USP32: variants seen among roughly 807,000 people sequenced by gnomAD.
The protein encoded by USP32 is ubiquitin carboxyl-terminal hydrolase 32.
USP32 carries 59 observed loss-of-function variants against 204.8 expected under a neutral mutation model. The observed-to-expected ratio is 0.29, with a 90% CI of 0.23 to 0.36. The LOEUF (loss-of-function observed/expected upper bound fraction) is 0.36, where lower values mean the gene tolerates loss of function less well. Among genes scored for constraint, USP32 ranks in the 10% least tolerant of loss-of-function variants. The pLI, the probability that USP32 is intolerant of heterozygous loss-of-function variation, is 1.00. For missense variants in USP32, 1,160 were observed against 1,946.4 expected (o/e 0.60, Z 7.60); for synonymous variants, 517 against 678.4 (o/e 0.76, Z 3.70).
chr17:60,366,528 A>G (rs1256923582), intron 1 of USP32, among the ~76,000 whole-genome samples: 2 of 152,108 alleles, frequency 1.3e-5, no homozygotes, highest in Non-Finnish European at 2.9e-5. Flanking sequence ...AGCCTACCAA[A>G]GTGCTAGGGT....
chr17:60,399,239 T>G (rs1305894634), intron 1 of USP32, among the ~76,000 whole-genome samples: 1 of 152,168 alleles, frequency 6.6e-6, no homozygotes, highest in Non-Finnish European at 1.5e-5. Flanking sequence ...GCTCCTGCTC[T>G]CATGGAATTT....
intron 7 of USP32, among the ~76,000 whole-genome samples, chr17:60,268,582 CA>C (rs57060420): frequency 0.07 from 3,187 of 45,462 alleles, 72 homozygotes; most frequent in African/African-American, 0.2. Context: ...GACCCTGTCT[CA>C]AAAAAAAAAA....
intron 1 of USP32, among the ~76,000 whole-genome samples, chr17:60,405,904 A>G (rs76715199): frequency 1.1e-3 from 165 of 152,290 alleles, no homozygotes; most frequent in African/African-American, 3.0e-3. Context: ...CCTGTAATCC[A>G]GCACTTTGGG....
chr17:60,303,702 T>C (rs745535363), intron 2 of USP32, among the ~76,000 whole-genome samples: 7 of 152,190 alleles, frequency 4.6e-5, no homozygotes, highest in African/African-American at 7.2e-5. Context: ...GAAGCACTTA[T>C]GTTTCAACCA....
intron 11 of USP32, among the ~76,000 whole-genome samples, chr17:60,244,105 G>A (rs781588260): frequency 1.3e-3 from 180 of 136,060 alleles, no homozygotes; most frequent in Non-Finnish European, 2.4e-3. Context: ...ACGCGATCTC[G>A]GCTCACTGCA....
chr17:60,200,227 A>G (rs1020065558), intron 26 of USP32, among the ~76,000 whole-genome samples: 7 of 152,000 alleles, frequency 4.6e-5, no homozygotes, highest in Non-Finnish European at 1.0e-4. Flanking sequence ...TTTTAAGCCA[A>G]GGGCTACTAA....
At chr17:60,281,925 T>C (rs1034769089) in intron 5 of USP32, among the ~76,000 whole-genome samples, 21 of 152,216 alleles carry the variant, frequency 1.4e-4, no homozygotes, top group Non-Finnish European at 8.8e-5. Flanking sequence ...ATAATTCCAA[T>C]GCTCAATATA....
intron 3 of USP32, among the ~76,000 whole-genome samples, chr17:60,299,833 A>G (rs1348555266): frequency 6.6e-6 from 1 of 152,180 alleles, no homozygotes; most frequent in Non-Finnish European, 1.5e-5. Context: ...TACACCATCA[A>G]TTCGGTGTCT....
At chr17:60,399,118 G>A (rs922693530) in intron 1 of USP32, among the ~76,000 whole-genome samples, 4 of 152,118 alleles carry the variant, frequency 2.6e-5, no homozygotes, top group Non-Finnish European at 5.9e-5. Context: ...TGTGAATCTC[G>A]AAAGATAAAT....
intron 1 of USP32, among the ~76,000 whole-genome samples, chr17:60,353,349 C>T (rs907407398): frequency 5.3e-5 from 8 of 152,122 alleles, no homozygotes; most frequent in Admixed American, 6.6e-5. Context: ...ACATTTCTGT[C>T]GTTTAATCAT....
intron 1 of USP32, among the ~76,000 whole-genome samples, chr17:60,352,352 C>T (rs1334130603): frequency 6.6e-6 from 1 of 152,006 alleles, no homozygotes; most frequent in African/African-American, 2.4e-5. Flanking sequence ...TTTGAGTGAA[C>T]GTCAAAGTTA....
intron 9 of USP32, among the ~76,000 whole-genome samples, chr17:60,264,797 T>C (rs2086544932): frequency 7.9e-6 from 1 of 126,988 alleles, no homozygotes; most frequent in Admixed American, 1.1e-4. Flanking sequence ...GAGGCAGAGG[T>C]GGCAGTGAGC....
At chr17:60,255,644 C>T (rs545156898) in intron 9 of USP32, among the ~76,000 whole-genome samples, 1 of 152,280 alleles carries the variant, frequency 6.6e-6, no homozygotes, top group East Asian at 1.9e-4. Flanking sequence ...TTCCTAACTC[C>T]CCTACAATGC....
chr17:60,421,960 T>TA, intron 1 of USP32: 1 of 985,208 alleles, frequency 1.0e-6, no homozygotes, highest in Non-Finnish European at 1.2e-6. Flanking sequence ...ACAGAGCCCG[T>TA]AGGCACTGGC....
intron 5 of USP32, among the ~76,000 whole-genome samples, chr17:60,282,812 T>C (rs2087001514): frequency 6.6e-6 from 1 of 152,210 alleles, no homozygotes; most frequent in East Asian, 1.9e-4. Context: ...CAATCAAATG[T>C]TTAAATCAAG....
intron 9 of USP32, among the ~76,000 whole-genome samples, chr17:60,257,621 A>T (rs1364408335): frequency 6.6e-6 from 1 of 152,040 alleles, no homozygotes; most frequent in Non-Finnish European, 1.5e-5. Context: ...TCCTGACTAC[A>T]GGCACAGGTT....
At chr17:60,190,126 G>C (rs542691157) in intron 29 of USP32, among the ~76,000 whole-genome samples, 7 of 152,136 alleles carry the variant, frequency 4.6e-5, no homozygotes, top group Non-Finnish European at 8.8e-5. Flanking sequence ...TTCCAAGAGA[G>C]CGGGCTGTTA....
chr17:60,231,212 A>G (rs1045668116), intron 12 of USP32, among the ~76,000 whole-genome samples: 8 of 152,178 alleles, frequency 5.3e-5, no homozygotes, highest in African/African-American at 9.7e-5. Context: ...TTCTCTATTG[A>G]TGATACTACT....
At position 60,191,824 on chromosome 17, in the gene USP32, C is replaced by T. The variant is rs191264587; in HGVS notation, c.3521+1020G>A. Among the ~76,000 whole-genome samples, 15 of 152,136 alleles carry T rather than the reference C, an allele frequency of 9.9e-5. No homozygotes were observed. The East Asian group carries it at 2.9e-3, about 30-fold the overall frequency. ...ACGCCTGGCCAATGCCTACTTTAGA[C>T]TCAGTTTGCTAAGTCTATTGCAGTT... On this transcript the variant is annotated intron_variant, in intron 28 of 33. Transcript: ENST00000300896.
Sources: allele counts gnomAD v4.1 joint callset (sites outside exome capture counted in the v4.1 genomes callset), GRCh38; gene constraint gnomAD v4.1.1; transcripts MANE v1.5; gene names NCBI Gene and HGNC (gene_info 2026-07-23, HGNC 2026-07-21).